Variants in CD209 observed in about 807,000 individuals in gnomAD.
The protein encoded by CD209 is CD209 antigen.
In CD209, 31 loss-of-function variants were observed where a neutral mutation model predicts 44.7. That is an observed-to-expected ratio of 0.69 (90% confidence interval 0.52 to 0.94). CD209 has a LOEUF of 0.94. CD209 is among the 40% of genes least tolerant of loss of function. The pLI, the probability that CD209 is intolerant of heterozygous loss-of-function variation, is 0.00. For synonymous variants in CD209, 173 were observed against 181.3 expected (o/e 0.95, Z 0.37); for missense variants, 407 against 452.4 (o/e 0.90, Z 0.91).
rs1211559111 is a variant in CD209, at chr19:7,746,063, C to T, written c.203G>A (p.Ser68Asn). 2.5e-6 allele frequency: 4 copies of T among 1,614,208 alleles called. No individual in the cohort carries two copies. In the South Asian group the frequency reaches 3.3e-5, roughly 13 times the overall value. Reference sequence around the variant, plus strand: ...CGCGTCTTGCCTGGATTGTTCCTGACTTATGGAGCTGGGGACCTTGGACAC... The same window carrying T: ...CGCGTCTTGCCTGGATTGTTCCTGATTTATGGAGCTGGGGACCTTGGACAC... ...VQVSKVPSSI[S>N]QEQSRQDAIY... Residue 68 changes from serine (S) to asparagine (N), a missense_variant, in exon 4 of 7, where the codon AGT becomes AAT. By Grantham distance (46) the Ser-to-Asn change is conservative. Around this residue, in one of 3 missense-constraint regions of CD209, gnomAD observed 122 missense variants for 110.3 expected, o/e 1.11. Transcript: ENST00000315599.
chr19:7,740,813 G>T lies in CD209; in HGVS notation c.*2226C>A. The T allele has an allele frequency of 1.4e-6, 1 of 715,630 alleles. No homozygotes were observed. The highest frequency in any genetic ancestry group is 1.8e-5 in the African/African-American group (1 of 56,608). The allele number at this position is 715,630 out of a possible 1,614,324, so 44.3% of individuals were successfully genotyped here. A position where few individuals can be genotyped will look rare whatever the true frequency, so the allele number is the denominator to read the frequency against. ...GGAAAGAGAGAGAGGAGGAGGAACA[G>T]AAACGACAGAAGAAACAAAAACCGG... On this transcript the variant is annotated 3_prime_UTR_variant, in exon 7 of 7. Transcript: ENST00000315599.
chr19:7,741,521 G>A lies in CD209; in HGVS notation c.*1518C>T, dbSNP rs1367879309. On this transcript the variant is annotated 3_prime_UTR_variant, in exon 7 of 7. Coordinates refer to ENST00000315599, the MANE Select transcript of CD209 (RefSeq NM_021155.4). Reference sequence around the variant, plus strand: ...AAAAATAGTAATTAAAAAATAACGTGGGGAGAGTGATTCAGTTCAAGGTCA... The same window carrying A: ...AAAAATAGTAATTAAAAAATAACGTAGGGAGAGTGATTCAGTTCAAGGTCA... 3.4e-6 allele frequency: 2 copies of A among 589,142 alleles called. No homozygotes were observed. Among genetic ancestry groups the A allele is most frequent in the Non-Finnish European group, 6.6e-6 (2 of 303,038 alleles). The allele number at this position is 589,142 out of a possible 1,614,324, so 36.5% of individuals were successfully genotyped here.
rs146082308 is a variant in CD209, at chr19:7,745,881, G to A, written c.385C>T (p.Arg129Trp). The change falls in exon 4 of 7, where the codon CGG becomes TGG. Residue 129 changes from arginine (R) to tryptophan (W), a missense_variant. Around this residue, in one of 3 missense-constraint regions of CD209, gnomAD observed 85 missense variants for 139.9 expected, o/e 0.61. Transcript: ENST00000315599. ...KLQEIYQELTRLKAAVGELPE... is the reference protein window; with the variant it reads ...KLQEIYQELTWLKAAVGELPE... ...AGCTCACCCACTGCAGCCTTCAGCC[G>A]GGTCAGCTCCTGGTAGATCTCCTGC... 12 of 1,608,726 alleles carry A rather than the reference G, an allele frequency of 7.5e-6. No individual in the cohort carries two copies. Among genetic ancestry groups the A allele is most frequent in the African/African-American group, 2.7e-5 (2 of 72,880 alleles).
At position 7,741,045 on chromosome 19, in the gene CD209, C is replaced by A; in HGVS notation, c.*1994G>T. ...CCAGTCCTACCCTTCTTATTAAAAG[C>A]ATGTTTACAGTGTTTGGAAAGGAGC... On this transcript the variant is annotated 3_prime_UTR_variant, in exon 7 of 7. Transcript: ENST00000315599. 1.3e-6 allele frequency: 1 copy of A among 774,566 alleles called. No individual in the cohort carries two copies. The highest frequency in any genetic ancestry group is 2.3e-6 in the Non-Finnish European group (1 of 442,998). 48.0% of individuals were successfully genotyped at this position (774,566 alleles called of 1,614,324 possible). A position where few individuals can be genotyped will look rare whatever the true frequency, so the allele number is the denominator to read the frequency against.
At chr19:7,746,161 G>A in intron 3 of CD209, 74 bp from the exon 4 acceptor site, 2 of 1,580,430 alleles carry the variant, frequency 1.3e-6, no homozygotes, top group Non-Finnish European at 1.7e-6. Flanking sequence ...GAGCCCCATA[G>A]GGACATCATT....
rs539665911 is a variant in CD209, at chr19:7,740,916, C to T, written c.*2123G>A. On this transcript the variant is annotated 3_prime_UTR_variant, in exon 7 of 7. Coordinates refer to ENST00000315599, the MANE Select transcript of CD209 (RefSeq NM_021155.4). ...CACATGGCAAAACCCGGAACCCCCCCTTGGATTTCAGAGTCATGGAGAAGG... is the reference window on the plus strand; with the variant it reads ...CACATGGCAAAACCCGGAACCCCCCTTTGGATTTCAGAGTCATGGAGAAGG... 1.6e-5 allele frequency: 12 copies of T among 730,334 alleles called. No individual in the cohort carries two copies. Among genetic ancestry groups the T allele is most frequent in the South Asian group, 1.5e-4 (10 of 66,624 alleles). 45.2% of individuals were successfully genotyped at this position (730,334 alleles called of 1,614,324 possible).
Position 7,742,987 on chromosome 19 carries a change from A to C in CD209, c.*52T>G. 1 of 1,371,442 alleles carries C rather than the reference A, an allele frequency of 7.3e-7. No individual in the cohort carries two copies. Among genetic ancestry groups the C allele is most frequent in the Non-Finnish European group, 1.0e-6 (1 of 962,400 alleles). 85.0% of individuals were successfully genotyped at this position (1,371,442 alleles called of 1,614,324 possible). ...AAGAACAGTCCCAGAGATTTTGTGAAGGTCGAAGGATGGAGAGAAGGAACT... is the reference window on the plus strand; with the variant it reads ...AAGAACAGTCCCAGAGATTTTGTGACGGTCGAAGGATGGAGAGAAGGAACT... On this transcript the variant is annotated 3_prime_UTR_variant, in exon 7 of 7. Coordinates refer to ENST00000315599, the MANE Select transcript of CD209 (RefSeq NM_021155.4).
In CD209 at chr19:7,743,086, G is replaced by A; in HGVS notation, c.1168C>T (p.Gln390Ter). The A allele has an allele frequency of 1.2e-6, 2 of 1,614,166 alleles. No individual in the cohort carries two copies. Among genetic ancestry groups the A allele is most frequent in the Non-Finnish European group, 1.7e-6 (2 of 1,180,002 alleles). ...GTGGCAGGGGCTGGAGAAAGAAACT[G>A]TTCTTCATCCCTGGAGCAGGAGGCT... Reference protein sequence around the residue: ...SAASCSRDEEQFLSPAPATPN... With the variant: ...SAASCSRDEE Residue 390 changes from glutamine (Q) to a stop codon, truncating the protein, a stop_gained, in exon 7 of 7, where the codon CAG becomes TAG. Transcript: ENST00000315599. LOFTEE classifies it low-confidence loss of function (END_TRUNC).
intron 2 of CD209, among the ~76,000 whole-genome samples, chr19:7,746,800 C>T (rs925365765): frequency 6.6e-6 from 1 of 151,184 alleles, no homozygotes; most frequent in African/African-American, 2.4e-5. Flanking sequence ...CTCTACATTC[C>T]CAGGTCCCTG....
intron 6 of CD209, 90 bp downstream of exon 6, chr19:7,744,017 C>A: frequency 9.2e-7 from 1 of 1,084,206 alleles, no homozygotes; most frequent in South Asian, 1.3e-5. Flanking sequence ...TCTAGGGTGT[C>A]AGGGAGTTGG....
At position 7,741,069 on chromosome 19, in the gene CD209, G is replaced by A; in HGVS notation, c.*1970C>T. 1.2e-6 allele frequency: 1 copy of A among 827,704 alleles called. No homozygotes were observed. The highest frequency in any genetic ancestry group is 1.9e-5 in the Admixed American group (1 of 51,848). 51.3% of individuals were successfully genotyped at this position (827,704 alleles called of 1,614,324 possible). A position where few individuals can be genotyped will look rare whatever the true frequency, so the allele number is the denominator to read the frequency against. ...GCATGTTTACAGTGTTTGGAAAGGA[G>A]CAGTGCAGGAGGGATGACTATGACT... On this transcript the variant is annotated 3_prime_UTR_variant, in exon 7 of 7. Transcript: ENST00000315599.
chr19:7,744,911 G>A (rs534103184), intron 5 of CD209, 30 bp downstream of exon 5: 1 of 1,613,162 alleles, frequency 6.2e-7, no homozygotes, highest in South Asian at 1.1e-5. Context: ...CCATGCCCTA[G>A]GCCAGGACGG....
chr19:7,740,790 A>T lies in CD209; in HGVS notation c.*2249T>A. 1 of 762,918 alleles carries T rather than the reference A, an allele frequency of 1.3e-6. No individual in the cohort carries two copies. 47.3% of individuals were successfully genotyped at this position (762,918 alleles called of 1,614,324 possible). A position where few individuals can be genotyped will look rare whatever the true frequency, so the allele number is the denominator to read the frequency against. On this transcript the variant is annotated 3_prime_UTR_variant, in exon 7 of 7. Transcript: ENST00000315599. Reference sequence around the variant, plus strand: ...GGAACAATGGGAAGAACAGCAGAGGAAAGAGAGAGAGGAGGAGGAACAGAA... The same window carrying T: ...GGAACAATGGGAAGAACAGCAGAGGTAAGAGAGAGAGGAGGAGGAACAGAA...
rs535614159 is a variant in CD209, at chr19:7,740,169, G to A, written c.*2870C>T. The stretch of plus-strand genomic sequence containing the variant: ...AGGAGGCTTGATCTGACTGGATCAC[G>A]CCAGGGCTCAATCTGATTGGATCAA... On this transcript the variant is annotated 3_prime_UTR_variant, in exon 7 of 7. Transcript: ENST00000315599. 2 of 251,598 alleles carry A rather than the reference G, an allele frequency of 7.9e-6. No homozygotes were observed. Among genetic ancestry groups the A allele is most frequent in the African/African-American group, 2.3e-5 (1 of 43,526 alleles). 15.6% of individuals were successfully genotyped at this position (251,598 alleles called of 1,614,324 possible).
chr19:7,746,102 A>G lies in CD209; in HGVS notation c.179-15T>C. On this transcript the variant is annotated splice_polypyrimidine_tract_variant and intron_variant, in intron 3 of 6. Coordinates refer to ENST00000315599, the MANE Select transcript of CD209 (RefSeq NM_021155.4). ...GACCTTGGACACTGGGCCAAGAAAA[A>G]AAAGGAACTGCAATTATTAAACACC... 6.2e-7 allele frequency: 1 copy of G among 1,613,118 alleles called. No individual in the cohort carries two copies. Among genetic ancestry groups the G allele is most frequent in the Non-Finnish European group, 8.5e-7 (1 of 1,179,566 alleles).
intron 6 of CD209, 127 bp downstream of exon 6, chr19:7,743,980 A>G: frequency 1.3e-6 from 1 of 748,702 alleles, no homozygotes; most frequent in South Asian, 1.7e-5. Context: ...ACCTTCCTCA[A>G]CTCAGTAAAA....
rs769812151 is a variant in CD209, at chr19:7,747,380, G to A, written c.47-15C>T. Reference sequence around the variant, plus strand: ...CTGTTCCTCCTCTGAATGGATAGACGTGAAATCAGAGCCTGGGCAGGCTGA... The same window carrying A: ...CTGTTCCTCCTCTGAATGGATAGACATGAAATCAGAGCCTGGGCAGGCTGA... On this transcript the variant is annotated splice_polypyrimidine_tract_variant and intron_variant, in intron 1 of 6. Coordinates refer to ENST00000315599, the MANE Select transcript of CD209 (RefSeq NM_021155.4). 4.2e-5 allele frequency: 68 copies of A among 1,614,036 alleles called. No individual in the cohort carries two copies. The highest frequency in any genetic ancestry group is 1.6e-4 in the Middle Eastern group (1 of 6,084).
chr19:7,745,794 C>T lies in CD209; in HGVS notation c.472G>A (p.Gly158Ser). Residue 158 changes from glycine (G) to serine (S), a missense_variant, in exon 4 of 7, where the codon GGT (glycine) becomes AGT (serine). Transcript: ENST00000315599. ...QELTWLKAAV[G>S]ELPEKSKMQE... is the part of the protein sequence containing the mutation. ...ATCTTAGATTTCTCTGGAAGCTCAC[C>T]CACTGCAGCCTTCAGCCAGGTCAGC... 6.2e-7 allele frequency: 1 copy of T among 1,608,138 alleles called. No homozygotes were observed. Among genetic ancestry groups the T allele is most frequent in the Non-Finnish European group, 8.5e-7 (1 of 1,179,750 alleles).
At chr19:7,743,920 G>A (rs73493973) in intron 6 of CD209, among the ~76,000 whole-genome samples, 187 bp downstream of exon 6, 5,462 of 152,228 alleles carry the variant, frequency 0.036, 256 homozygotes, top group African/African-American at 0.11. Context: ...CAGCTCTGCT[G>A]GTGGAATTCT....
Sources: allele counts gnomAD v4.1 joint callset (sites outside exome capture counted in the v4.1 genomes callset), GRCh38; gene constraint gnomAD v4.1.1; regional missense constraint gnomAD v4.1.1; transcripts MANE v1.5; gene names NCBI Gene and HGNC (gene_info 2026-07-23, HGNC 2026-07-21).